Variants in CPNE5 observed in about 807,000 individuals in gnomAD.
CPNE5 encodes the protein copine 5, also known as copine-5.
A neutral mutation model predicts 81.1 loss-of-function variants in CPNE5; 42 were observed. That is an observed-to-expected ratio of 0.52 (90% CI 0.40 to 0.67). The LOEUF (loss-of-function observed/expected upper bound fraction) is 0.67. Ranked by LOEUF, CPNE5 falls within the 30% of genes least tolerant of loss-of-function variation. CPNE5 has a pLI of 0.00. For synonymous variants in CPNE5, 313 were observed against 321.5 expected, an observed-to-expected ratio of 0.97 and a Z score of 0.28; for missense variants, 612 against 815.5, an observed-to-expected ratio of 0.75 and a Z score of 3.04.
chr6:36,762,776 T>C (rs1766176285), intron 12 of CPNE5, 141 bp downstream of exon 12: 1 of 663,864 alleles, frequency 1.5e-6, no homozygotes, highest in Non-Finnish European at 2.6e-6. Context: ...AGACTTGGTC[T>C]CCTTAACGGT....
chr6:36,827,549 C>T (rs1772610742), intron 1 of CPNE5: 1 of 985,420 alleles, frequency 1.0e-6, no homozygotes. Context: ...CATGTTGAGA[C>T]ACCGTCTCTT....
At chr6:36,815,617 C>T (rs2150571795) in intron 3 of CPNE5, among the ~76,000 whole-genome samples, 1 of 152,312 alleles carries the variant, frequency 6.6e-6, no homozygotes, top group South Asian at 2.1e-4. Flanking sequence ...TTATAAGCTA[C>T]CCAGTTTATG....
chr6:36,759,027 C>T (rs1240633177), intron 12 of CPNE5, among the ~76,000 whole-genome samples: 1 of 152,216 alleles, frequency 6.6e-6, no homozygotes, highest in Non-Finnish European at 1.5e-5. Flanking sequence ...GCCTCAGTTT[C>T]CCAATCTCTC....
At chr6:36,831,756 T>C (rs567463209) in intron 1 of CPNE5, among the ~76,000 whole-genome samples, 13 of 152,246 alleles carry the variant, frequency 8.5e-5, no homozygotes, top group African/African-American at 2.6e-4. Flanking sequence ...ATTAAACTGA[T>C]TTAGCACATT....
Position 36,741,887 on chromosome 6 carries a change from G to C in CPNE5, c.*381C>G, listed in dbSNP as rs979373029. The stretch of plus-strand genomic sequence containing the variant: ...CACCATGGGAGGATGGGACGGAGAT[G>C]GGGGGCTGGAGGAGGCCAAGCCCAG... On this transcript the variant is annotated 3_prime_UTR_variant, in exon 21 of 21. Transcript: ENST00000244751. 3 of 213,740 alleles carry C rather than the reference G, an allele frequency of 1.4e-5. No individual in the cohort carries two copies. The highest frequency in any genetic ancestry group is 1.1e-4 in the Admixed American group (2 of 18,620). 13.2% of individuals were successfully genotyped at this position (213,740 alleles called of 1,614,324 possible). A position where few individuals can be genotyped will look rare whatever the true frequency, so the allele number is the denominator to read the frequency against.
At chr6:36,807,151 C>T (rs376323282) in intron 3 of CPNE5, among the ~76,000 whole-genome samples, 12 of 152,234 alleles carry the variant, frequency 7.9e-5, no homozygotes, top group East Asian at 7.7e-4. Context: ...GAGGGAAGCA[C>T]GTCTTCAAAA....
intron 12 of CPNE5, among the ~76,000 whole-genome samples, chr6:36,760,699 C>A (rs144723398): frequency 2.0e-5 from 3 of 152,166 alleles, no homozygotes; most frequent in Admixed American, 6.5e-5. Context: ...GAAGCCGGCT[C>A]GCCAGGAGGA....
chr6:36,835,012 A>G (rs1291988584), intron 1 of CPNE5, among the ~76,000 whole-genome samples: 1 of 152,150 alleles, frequency 6.6e-6, no homozygotes, highest in African/African-American at 2.4e-5. Flanking sequence ...CAGACAGCAG[A>G]AAACAATATC....
intron 1 of CPNE5, among the ~76,000 whole-genome samples, chr6:36,834,907 C>T (rs912515699): frequency 2.0e-5 from 3 of 152,156 alleles, no homozygotes; most frequent in African/African-American, 7.2e-5. Flanking sequence ...GAAGAAAGCG[C>T]TCAGAGCTGT....
At chr6:36,789,981 C>T (rs1674564950) in intron 8 of CPNE5, among the ~76,000 whole-genome samples, 1 of 152,180 alleles carries the variant, frequency 6.6e-6, no homozygotes, top group Non-Finnish European at 1.5e-5. Context: ...GTTCGTGTGT[C>T]TTATTCTTCC....
chr6:36,758,531 G>A (rs887000371), intron 12 of CPNE5, among the ~76,000 whole-genome samples: 5 of 152,034 alleles, frequency 3.3e-5, no homozygotes, highest in Non-Finnish European at 7.4e-5. Flanking sequence ...TTACAGGCGT[G>A]AGCCACTGCA....
chr6:36,821,412 A>T (rs191789460), intron 3 of CPNE5, among the ~76,000 whole-genome samples: 374 of 152,230 alleles, frequency 2.5e-3, no homozygotes, highest in Admixed American at 4.1e-3. Flanking sequence ...GGGTTTTAAC[A>T]AGATCCCTCT....
At chr6:36,773,024 A>AT (rs757553593) in intron 10 of CPNE5, among the ~76,000 whole-genome samples, 1 of 151,772 alleles carries the variant, frequency 6.6e-6, no homozygotes, top group East Asian at 1.9e-4. Context: ...TAATGTTTTA[A>AT]TTTTTTTAAA....
intron 3 of CPNE5, among the ~76,000 whole-genome samples, chr6:36,819,676 A>C (rs1032829156): frequency 2.0e-5 from 3 of 152,140 alleles, no homozygotes; most frequent in Admixed American, 6.5e-5. Flanking sequence ...GTCATTGGTC[A>C]TTTTGTGCAC....
In CPNE5 at chr6:36,745,451, C is replaced by T; in HGVS notation, c.1265G>A (p.Ser422Asn). 6.2e-7 allele frequency: 1 copy of T among 1,604,246 alleles called. No individual in the cohort carries two copies. The highest frequency in any genetic ancestry group is 1.7e-4 in the Middle Eastern group (1 of 6,030). ...GCCGTACAGCTGCACAGTGCGCAGG[C>T]TGCGGTGGTAGGCCTCCAGGATGCC... ...IDGILEAYHR[S>N]LRTVQLYGPT... Residue 422 changes from serine to asparagine, a missense_variant, in exon 17 of 21, where the codon AGC becomes AAC. Ser to Asn is a conservative substitution (Grantham distance 46, BLOSUM62 1). Transcript: ENST00000244751.
chr6:36,741,754 G>A lies in CPNE5; in HGVS notation c.*514C>T, dbSNP rs1208692254. 6.5e-6 allele frequency: 1 copy of A among 153,910 alleles called. No homozygotes were observed. Among genetic ancestry groups the A allele is most frequent in the East Asian group, 1.9e-4 (1 of 5,206 alleles). 9.5% of individuals were successfully genotyped at this position (153,910 alleles called of 1,614,324 possible). On this transcript the variant is annotated 3_prime_UTR_variant, in exon 21 of 21. Coordinates refer to ENST00000244751, the MANE Select transcript of CPNE5 (RefSeq NM_020939.2). Reference sequence around the variant, plus strand: ...GCTCCCAGCGCATCCAGTGTCCCTGGGAGGGTGCACATGTTCAGGCCTTCC... The same window carrying A: ...GCTCCCAGCGCATCCAGTGTCCCTGAGAGGGTGCACATGTTCAGGCCTTCC...
At chr6:36,780,198 C>T (rs1472587890) in intron 8 of CPNE5, among the ~76,000 whole-genome samples, 2 of 152,144 alleles carry the variant, frequency 1.3e-5, no homozygotes, top group Non-Finnish European at 2.9e-5. Context: ...ATTCTGACCT[C>T]ATGATCCGCC....
At chr6:36,771,411 C>T (rs973325297) in intron 10 of CPNE5, among the ~76,000 whole-genome samples, 2 of 152,240 alleles carry the variant, frequency 1.3e-5, no homozygotes, top group African/African-American at 4.8e-5. Context: ...TGTCTCCTTA[C>T]CTGTAAAATG....
intron 1 of CPNE5, among the ~76,000 whole-genome samples, chr6:36,829,019 C>T (rs979314282): frequency 8.5e-5 from 13 of 152,308 alleles, no homozygotes; most frequent in African/African-American, 3.1e-4. Flanking sequence ...ACAATAAGTG[C>T]TCAACAAAGG....
Sources: allele counts gnomAD v4.1 joint callset (sites outside exome capture counted in the v4.1 genomes callset), GRCh38; gene constraint gnomAD v4.1.1; transcripts MANE v1.5; gene names NCBI Gene and HGNC (gene_info 2026-07-23, HGNC 2026-07-21).